P2RX5: variants seen among roughly 807,000 people sequenced by gnomAD.
P2RX5 encodes the protein P2X purinoceptor 5.
In P2RX5, 46 loss-of-function variants were observed where a neutral mutation model predicts 54.1. The ratio of observed to expected loss-of-function variants is 0.85; its 90% CI spans 0.67 to 1.09. The LOEUF (loss-of-function observed/expected upper bound fraction) is 1.09, where lower values mean the gene tolerates loss of function less well. Ranked by LOEUF, P2RX5 falls within the 50% of genes least tolerant of loss-of-function variation. P2RX5 has a pLI of 0.00. For missense variants in P2RX5, 566 were observed against 549.8 expected, an observed-to-expected ratio of 1.03 and a Z score of -0.29; for synonymous variants, 226 against 226.4, an observed-to-expected ratio of 1.00 and a Z score of 0.02.
At chr17:3,677,437 C>T (rs1285975818) in intron 11 of P2RX5, 1 of 985,354 alleles carries the variant, frequency 1.0e-6, no homozygotes, top group Non-Finnish European at 1.2e-6. Flanking sequence ...CCACTAAGAG[C>T]CAGCTGCCTC....
At chr17:3,707,825 G>A in the P2RX5 span, among the ~76,000 whole-genome samples, 3 of 152,170 alleles carry the variant, frequency 2.0e-5, no homozygotes, top group East Asian at 1.9e-4. Context: ...TTGGGAGGCC[G>A]AGGCAGGTGG....
chr17:3,710,455 AAAATG>A, the P2RX5 span, among the ~76,000 whole-genome samples: 1 of 151,888 alleles, frequency 6.6e-6, no homozygotes, highest in Admixed American at 6.6e-5. Context: ...ATAAATTAAT[AAAATG>A]AAAGTTTCCC....
At chr17:3,698,495 G>C (rs770497508), upstream of P2RX5, among the ~76,000 whole-genome samples, 1 of 152,048 alleles carries the variant, frequency 6.6e-6, no homozygotes, top group Non-Finnish European at 1.5e-5. Flanking sequence ...ATTAGGGAAG[G>C]GGTGAGTAAG....
the P2RX5 span, chr17:3,723,196 G>C: frequency 1.1e-6 from 1 of 903,004 alleles, no homozygotes; most frequent in Non-Finnish European, 1.8e-6. Context: ...TTTGGACATG[G>C]ACATGTTATG....
At chr17:3,691,170 C>G in intron 2 of P2RX5, 143 bp from the exon 3 acceptor site, 1 of 682,290 alleles carries the variant, frequency 1.5e-6, no homozygotes, top group Admixed American at 2.1e-5. Context: ...CTCTGCCCAT[C>G]TGCTCATGGA....
At chr17:3,708,933 C>T in the P2RX5 span, among the ~76,000 whole-genome samples, 1 of 151,944 alleles carries the variant, frequency 6.6e-6, no homozygotes, top group South Asian at 2.1e-4. Context: ...TAGAGATGCA[C>T]AGAATATGGT....
chr17:3,723,817 G>T, the P2RX5 span: 18 of 1,570,998 alleles, frequency 1.1e-5, no homozygotes, highest in Admixed American at 1.1e-4. Context: ...CCCGGCCCCG[G>T]CCCTGGCGAG....
At chr17:3,690,549 C>A (rs1047405233) in intron 4 of P2RX5, 26 bp from the exon 5 acceptor site, 1 of 1,611,914 alleles carries the variant, frequency 6.2e-7, no homozygotes, top group Non-Finnish European at 8.5e-7. Context: ...AGGATCAATG[C>A]CAGGAGCCTC....
chr17:3,699,824 A>AGAGAGAG, upstream of P2RX5, among the ~76,000 whole-genome samples: 1 of 115,914 alleles, frequency 8.6e-6, no homozygotes, highest in South Asian at 3.1e-4. Context: ...GAAAGAGAGA[A>AGAGAGAG]AGAGAGAGAG....
chr17:3,716,823 A>C, the P2RX5 span: 13 of 1,315,734 alleles, frequency 9.9e-6, no homozygotes, highest in African/African-American at 1.9e-4. Context: ...GAGATCGCCC[A>C]ATAAATCAGG....
chr17:3,685,097 A>G (rs931975941), intron 9 of P2RX5, among the ~76,000 whole-genome samples: 5 of 151,334 alleles, frequency 3.3e-5, no homozygotes, highest in African/African-American at 4.9e-5. Context: ...CCGCCACCTC[A>G]CCCTCCCAAA....
intron 7 of P2RX5, 57 bp from the exon 8 acceptor site, chr17:3,688,816 C>T (rs1442956928): frequency 1.0e-5 from 16 of 1,589,166 alleles, no homozygotes; most frequent in Non-Finnish European, 1.3e-5. Context: ...CGGACAGCAT[C>T]CCAGGCCAGC....
chr17:3,678,341 G>A (rs529824311), intron 11 of P2RX5, among the ~76,000 whole-genome samples: 10 of 152,360 alleles, frequency 6.6e-5, no homozygotes, highest in Admixed American at 2.6e-4. Flanking sequence ...CCCCGGCAAG[G>A]AGTAGCAGCA....
At chr17:3,675,426 T>TA (rs1268159332) in intron 11 of P2RX5, 1 of 985,316 alleles carries the variant, frequency 1.0e-6, no homozygotes, top group Non-Finnish European at 1.2e-6. Flanking sequence ...GAAGTCTGGT[T>TA]AAAATCAGCA....
chr17:3,698,342 C>T (rs1287723022), upstream of P2RX5, among the ~76,000 whole-genome samples: 1 of 152,122 alleles, frequency 6.6e-6, no homozygotes, highest in East Asian at 1.9e-4. Flanking sequence ...CCCATCAACC[C>T]CAGCACAGGA....
chr17:3,688,048 G>C lies in P2RX5; in HGVS notation c.945C>G (p.Ala315=). 6.2e-7 allele frequency: 1 copy of C among 1,604,214 alleles called. No individual in the cohort carries two copies. The highest frequency in any genetic ancestry group is 8.5e-7 in the Non-Finnish European group (1 of 1,176,132). Reference sequence around the variant, plus strand: ...CCATCACGTCAAAGCGGATCCCGTAGGCTTTCATCAGGGTGCGGAACTCCA... The same window carrying C: ...CCATCACGTCAAAGCGGATCCCGTACGCTTTCATCAGGGTGCGGAACTCCA... The part of the protein sequence containing the change: ...AGVEFRTLMK[A]YGIRFDVMVN... The change falls in exon 9 of 12, where the codon GCC becomes GCG. Residue 315 remains alanine (A), a synonymous_variant. Coordinates refer to ENST00000225328, the MANE Select transcript of P2RX5 (RefSeq NM_002561.4).
chr17:3,709,594 C>T, the P2RX5 span, among the ~76,000 whole-genome samples: 17 of 152,174 alleles, frequency 1.1e-4, 4 homozygotes, highest in East Asian at 3.9e-4. Context: ...AAGGTGAGAC[C>T]CCAGTCTCCA....
the P2RX5 span, among the ~76,000 whole-genome samples, chr17:3,705,425 C>CCT: frequency 6.6e-6 from 1 of 152,172 alleles, no homozygotes; most frequent in South Asian, 2.1e-4. Flanking sequence ...AGCTTCCCTA[C>CCT]CTTTGCCCAG....
At chr17:3,691,914 G>A (rs908125083) in intron 1 of P2RX5, 120 bp from the exon 2 acceptor site, 1 of 988,588 alleles carries the variant, frequency 1.0e-6, no homozygotes, top group Admixed American at 1.7e-5. Flanking sequence ...GCAGGCTCAG[G>A]GCTCCACCTG....
Sources: gnomAD v4.1 joint callset for allele counts (sites outside exome capture counted in the v4.1 genomes callset) on GRCh38, gnomAD v4.1.1 for gene constraint, MANE v1.5 for transcripts, NCBI Gene and HGNC (gene_info 2026-07-23, HGNC 2026-07-21) for gene names.